STYXL1: variants seen among roughly 807,000 people sequenced by gnomAD.
STYXL1 encodes serine/threonine/tyrosine interacting like 1.
A neutral mutation model predicts 36.4 loss-of-function variants in STYXL1; 32 were observed. That is an observed-to-expected ratio of 0.88 (90% CI 0.66 to 1.18). The LOEUF (loss-of-function observed/expected upper bound fraction) is 1.18, where lower values mean the gene tolerates loss of function less well. Among genes scored for constraint, STYXL1 ranks in the 50% most tolerant of loss-of-function variants. The pLI is 0.00. For missense variants in STYXL1, 354 were observed against 394.1 expected (o/e 0.90, Z 0.86); for synonymous variants, 133 against 144.1 (o/e 0.92, Z 0.55).
At chr7:76,022,678 C>G (rs1417072229) in intron 3 of STYXL1, among the ~76,000 whole-genome samples, 5 of 151,522 alleles carry the variant, frequency 3.3e-5, no homozygotes, top group Non-Finnish European at 7.4e-5. Context: ...ACAACAACAA[C>G]AAGACAAAAA....
At chr7:76,038,377 C>G (rs976165128) in intron 1 of STYXL1, among the ~76,000 whole-genome samples, 3 of 148,414 alleles carry the variant, frequency 2.0e-5, no homozygotes, top group Non-Finnish European at 4.5e-5. Flanking sequence ...CGTTATGTGA[C>G]TTCGAGGCTG....
At chr7:76,046,881 C>G (rs1042131773) in intron 1 of STYXL1, among the ~76,000 whole-genome samples, 1 of 151,216 alleles carries the variant, frequency 6.6e-6, no homozygotes, top group Admixed American at 6.6e-5. Context: ...GAACTCCTGG[C>G]CTCAAGTGAT....
intron 3 of STYXL1, among the ~76,000 whole-genome samples, chr7:76,027,857 G>A (rs943080968): frequency 2.6e-5 from 4 of 151,616 alleles, no homozygotes; most frequent in Admixed American, 6.6e-5. Context: ...TAATCCCAGC[G>A]CTTTGGGAGG....
At chr7:76,006,268 G>T (rs544821909) in intron 5 of STYXL1, among the ~76,000 whole-genome samples, 2 of 152,040 alleles carry the variant, frequency 1.3e-5, no homozygotes, top group East Asian at 3.9e-4. Context: ...TGTAGAGATG[G>T]GGTCTCACTA....
chr7:76,025,430 T>G (rs932546836), intron 3 of STYXL1, among the ~76,000 whole-genome samples: 2 of 151,810 alleles, frequency 1.3e-5, no homozygotes, highest in Non-Finnish European at 2.9e-5. Flanking sequence ...TGAGTGGGAA[T>G]AGAGGCCCAT....
At chr7:76,029,118 C>T (rs188415919) in intron 2 of STYXL1, among the ~76,000 whole-genome samples, 3 of 152,094 alleles carry the variant, frequency 2.0e-5, no homozygotes, top group Non-Finnish European at 4.4e-5. Context: ...GATTCTGTCT[C>T]ATAAATAAAT....
rs1046961648 is a variant in STYXL1, at chr7:76,000,974, A to G, written c.726T>C (p.Ile242=). ...TGATACCTTGGGTGGAAAAGATCAG[A>G]ATGACAGAGCCAAGGTGATGGTGAA... The part of the protein sequence containing the change: ...IEIHHHLGSV[I]LIFSTQGISR... Residue 242 remains isoleucine (I), a synonymous_variant, in exon 8 of 9, where the codon ATT becomes ATC. Transcript: ENST00000359697. The G allele has an allele frequency of 4.3e-6, 7 of 1,614,040 alleles. No homozygotes were observed. The highest frequency in any genetic ancestry group is 5.1e-6 in the Non-Finnish European group (6 of 1,180,004).
intron 3 of STYXL1, among the ~76,000 whole-genome samples, 162 bp downstream of exon 3, chr7:76,028,480 A>C (rs1794966135): frequency 6.6e-6 from 1 of 152,182 alleles, no homozygotes; most frequent in Non-Finnish European, 1.5e-5. Context: ...AGGACACCTG[A>C]GAAAATGTGT....
chr7:76,002,689 T>G (rs1791110048), intron 7 of STYXL1, among the ~76,000 whole-genome samples: 2 of 152,086 alleles, frequency 1.3e-5, no homozygotes, highest in South Asian at 4.1e-4. Context: ...TTTGGGAGGC[T>G]GAGGTGGGTG....
intron 3 of STYXL1, among the ~76,000 whole-genome samples, chr7:76,022,918 C>T (rs1215100915): frequency 2.0e-5 from 3 of 152,004 alleles, no homozygotes; most frequent in African/African-American, 7.3e-5. Context: ...CAGAGTGAGA[C>T]TATGTCCCAA....
chr7:75,998,546 C>G (rs977174454), intron 8 of STYXL1: 4 of 152,238 alleles, frequency 2.6e-5, no homozygotes, highest in African/African-American at 4.8e-5. Context: ...GATCTGCCCA[C>G]CTCTGCCTCC....
At chr7:76,021,735 T>C (rs1305366143) in intron 4 of STYXL1, 116 bp downstream of exon 4, 5 of 756,476 alleles carry the variant, frequency 6.6e-6, no homozygotes, top group Admixed American at 6.2e-5. Context: ...CAAACCCTGC[T>C]GTCTCAGTGT....
intron 7 of STYXL1, 72 bp from the exon 8 acceptor site, chr7:76,001,074 T>C (rs554553711): frequency 6.8e-4 from 770 of 1,139,034 alleles, no homozygotes; most frequent in Non-Finnish European, 9.4e-4. Context: ...TGTCAGACAC[T>C]GGCCTCCATG....
chr7:76,044,960 G>GT (rs1796807697), intron 1 of STYXL1: 1 of 152,202 alleles, frequency 6.6e-6, no homozygotes, highest in Non-Finnish European at 1.5e-5. Context: ...TGCTCAAAGT[G>GT]TTGGGATTAC....
chr7:76,017,070 G>A (rs1793460439), intron 4 of STYXL1, among the ~76,000 whole-genome samples: 1 of 151,986 alleles, frequency 6.6e-6, no homozygotes, highest in Admixed American at 6.6e-5. Flanking sequence ...CGCCCAGGCT[G>A]GAGTGCAATG....
chr7:76,006,414 A>T (rs1271841088), intron 5 of STYXL1, among the ~76,000 whole-genome samples: 2 of 152,024 alleles, frequency 1.3e-5, no homozygotes, highest in Non-Finnish European at 2.9e-5. Flanking sequence ...GGGTAGAGAG[A>T]ACAAGACACC....
chr7:76,038,317 G>A (rs1796121944), intron 1 of STYXL1, among the ~76,000 whole-genome samples: 1 of 149,808 alleles, frequency 6.7e-6, no homozygotes, highest in African/African-American at 2.4e-5. Flanking sequence ...GTTTGGTTCT[G>A]TGGGATGACA....
intron 8 of STYXL1, chr7:75,998,808 A>T (rs1412035915): frequency 6.6e-6 from 1 of 152,236 alleles, no homozygotes; most frequent in African/African-American, 2.4e-5. Context: ...CTTAAACAGA[A>T]GACACAAATT....
chr7:76,015,216 C>T (rs1478432480), intron 4 of STYXL1, among the ~76,000 whole-genome samples: 1 of 152,156 alleles, frequency 6.6e-6, no homozygotes, highest in Non-Finnish European at 1.5e-5. Context: ...TGCCACTGCA[C>T]TACAGCCTTG....
Sources: allele counts gnomAD v4.1 joint callset (sites outside exome capture counted in the v4.1 genomes callset), GRCh38; gene constraint gnomAD v4.1.1; transcripts MANE v1.5; gene names NCBI Gene and HGNC (gene_info 2026-07-23, HGNC 2026-07-21).